ITPK1: variants seen among roughly 807,000 people sequenced by gnomAD.
ITPK1 encodes inositol-tetrakisphosphate 1-kinase, also known as inositol 1,3,4-trisphosphate 5/6-kinase.
Under a neutral mutation model 45.3 loss-of-function variants are expected in ITPK1, and 21 were observed. That is an observed-to-expected ratio of 0.46 (90% CI 0.33 to 0.67). The LOEUF is 0.67. Among genes scored for constraint, ITPK1 ranks in the 30% least tolerant of loss-of-function variants. The pLI, the probability that ITPK1 is intolerant of heterozygous loss-of-function variation, is 0.02. For missense variants in ITPK1, 474 were observed against 573.5 expected (o/e 0.83, Z 1.77); for synonymous variants, 258 against 253.6 (o/e 1.02, Z -0.16).
rs1888803131 is a variant in ITPK1 at position 93,027,588 on chromosome 14, C to T, written c.121-10787G>A. Among the ~76,000 whole-genome samples the T allele has an allele frequency of 2.0e-5, 3 of 152,158 alleles. No individual in the cohort carries two copies. In the South Asian group the frequency reaches 6.2e-4, roughly 31 times the overall value. ...GGCTAGACAACTGGAGAACCACACT[C>T]CAGATGTTCCAACACAGGGACACGT... On this transcript the variant is annotated intron_variant, in intron 3 of 10. Transcript: ENST00000267615.
At chr14:93,098,695 G>A (rs988646106) in intron 2 of ITPK1, among the ~76,000 whole-genome samples, 6 of 152,186 alleles carry the variant, frequency 3.9e-5, no homozygotes, top group South Asian at 2.1e-4. Flanking sequence ...GGGTCTGAGC[G>A]CTGGTCCCAG....
rs751477516 is a variant in ITPK1 at position 92,946,356 on chromosome 14, G to A, written c.876C>T (p.Ala292=). ...CTGGGAAGGCATTGATGTCAATGAC[G>A]GCGTGCTGCCCTGTCTGGTTGTTGA... ...IIINNQTGQH[A]VIDINAFPGY... The change falls in exon 10 of 11, where the codon GCC becomes GCT. Residue 292 remains alanine, a synonymous_variant. Coordinates refer to ENST00000267615, the MANE Select transcript of ITPK1 (RefSeq NM_014216.6). 5.0e-6 allele frequency: 8 copies of A among 1,613,298 alleles called. No homozygotes were observed. The highest frequency in any genetic ancestry group is 2.2e-5 in the East Asian group (1 of 44,890).
In ITPK1 at chr14:93,076,215, C is replaced by G. The variant is rs1231872044; in HGVS notation, c.120+380G>C. The stretch of plus-strand genomic sequence containing the variant: ...CATCCTTCTTTTTCTAGTTAATGAG[C>G]ACCTGAACCAAGTCCACCCAGGGTG... On this transcript the variant is annotated intron_variant, in intron 3 of 10. Transcript: ENST00000267615. This position sits in a 1 kb window ranked among gnomAD's most constrained non-coding sequence, Gnocchi z 4.3. 2.0e-5 allele frequency among the ~76,000 whole-genome samples: 3 copies of G among 151,980 alleles called. No homozygotes were observed. The highest frequency in any genetic ancestry group is 2.9e-5 in the Non-Finnish European group (2 of 67,998).
intron 3 of ITPK1, among the ~76,000 whole-genome samples, chr14:93,046,846 C>G (rs868281869): frequency 6.6e-6 from 1 of 152,332 alleles, no homozygotes; most frequent in East Asian, 1.9e-4. Flanking sequence ...AAGCTCTGCT[C>G]GGTGGAACTC....
At chr14:93,041,558 G>A (rs1889562596) in intron 3 of ITPK1, among the ~76,000 whole-genome samples, 1 of 152,238 alleles carries the variant, frequency 6.6e-6, no homozygotes, top group African/African-American at 2.4e-5. Flanking sequence ...CAGGGAGGCT[G>A]TTCACCCAGA....
intron 5 of ITPK1, among the ~76,000 whole-genome samples, chr14:92,986,763 GAACA>G (rs1158621077): frequency 1.3e-5 from 2 of 152,318 alleles, no homozygotes; most frequent in African/African-American, 4.8e-5. Flanking sequence ...AGCTCTGAGT[GAACA>G]GACAGGAACA....
Position 92,993,937 on chromosome 14 carries a change from G to A in ITPK1, c.307C>T (p.Leu103=), listed in dbSNP as rs751854483. 29 of 1,614,082 alleles carry A rather than the reference G, an allele frequency of 1.8e-5. No individual in the cohort carries two copies. Among genetic ancestry groups the A allele is most frequent in the Admixed American group, 3.3e-5 (2 of 60,026 alleles). The change falls in exon 5 of 11, where the codon CTG becomes TTG. Residue 103 remains leucine, a synonymous_variant. Coordinates refer to ENST00000267615, the MANE Select transcript of ITPK1 (RefSeq NM_014216.6). ...TCATAGGACTTGGAGCGGTCAAGCAGGGTTCTGATGGCAGGGAGCGGGTCC... is the reference window on the plus strand; with the variant it reads ...TCATAGGACTTGGAGCGGTCAAGCAAGGTTCTGATGGCAGGGAGCGGGTCC... The part of the protein sequence containing the change: ...VLDPLPAIRT[L]LDRSKSYELI...
chr14:93,081,359 C>T (rs940563079), intron 2 of ITPK1, among the ~76,000 whole-genome samples: 2 of 151,690 alleles, frequency 1.3e-5, no homozygotes, highest in East Asian at 1.9e-4. Flanking sequence ...CCTGCACCTG[C>T]GAATAATTTT....
intron 2 of ITPK1, among the ~76,000 whole-genome samples, chr14:93,095,916 A>G (rs1892061504): frequency 6.6e-6 from 1 of 152,166 alleles, no homozygotes; most frequent in Non-Finnish European, 1.5e-5. Context: ...GTTGCTGCAA[A>G]GGATGGGGTT....
chr14:93,096,656 C>T (rs934833262), intron 2 of ITPK1, among the ~76,000 whole-genome samples: 5 of 152,230 alleles, frequency 3.3e-5, no homozygotes, highest in African/African-American at 1.2e-4. Context: ...AGCGCAGGAG[C>T]TAGTCCTGGC....
At chr14:93,097,992 A>G (rs1480834148) in intron 2 of ITPK1, among the ~76,000 whole-genome samples, 5 of 152,102 alleles carry the variant, frequency 3.3e-5, no homozygotes, top group Non-Finnish European at 7.4e-5. Context: ...CCTGGGCGAC[A>G]AGAGCAAAAC....
chr14:93,001,036 T>C (rs975898311), intron 4 of ITPK1, among the ~76,000 whole-genome samples: 1 of 150,056 alleles, frequency 6.7e-6, no homozygotes, highest in Non-Finnish European at 1.5e-5. Flanking sequence ...TCCCACCACT[T>C]TGGGAGGCTG....
chr14:92,987,938 G>A (rs766588723), intron 5 of ITPK1, among the ~76,000 whole-genome samples: 18 of 152,206 alleles, frequency 1.2e-4, no homozygotes, highest in South Asian at 2.1e-4. Flanking sequence ...GCCTCATGCC[G>A]GCAACGCACC....
At chr14:92,994,081 C>T (rs1440013080) in intron 4 of ITPK1, 84 bp from the exon 5 acceptor site, 5 of 824,938 alleles carry the variant, frequency 6.1e-6, no homozygotes, top group South Asian at 2.8e-5. Flanking sequence ...CACGTCCATC[C>T]GTTCCTGTCC....
chr14:92,987,518 G>C (rs76999478), intron 5 of ITPK1, among the ~76,000 whole-genome samples: 3,010 of 152,284 alleles, frequency 0.02, 112 homozygotes, highest in African/African-American at 0.068. Flanking sequence ...CAGAGGACAG[G>C]AGCAGAACCC....
At chr14:92,984,056 G>C (rs963541159) in intron 5 of ITPK1, among the ~76,000 whole-genome samples, 3 of 152,166 alleles carry the variant, frequency 2.0e-5, no homozygotes, top group Non-Finnish European at 2.9e-5. Context: ...CATTGCACTA[G>C]AGCCTACTGT....
At chr14:93,038,506 G>C (rs975853320) in intron 3 of ITPK1, among the ~76,000 whole-genome samples, 1 of 152,144 alleles carries the variant, frequency 6.6e-6, no homozygotes, top group African/African-American at 2.4e-5. Flanking sequence ...GGAAAGAAAA[G>C]TGGGATATAT....
Position 92,940,659 on chromosome 14 carries a change from G to C in ITPK1, c.*902C>G. On this transcript the variant is annotated 3_prime_UTR_variant, in exon 11 of 11. Transcript: ENST00000267615. ...ATGGAAAGGCAGGCTGCATCCCAGG[G>C]GTTAGGGCACAAAGCCAGCCCTGTG... 7.9e-7 allele frequency: 1 copy of C among 1,262,956 alleles called. No homozygotes were observed. The allele number at this position is 1,262,956 out of a possible 1,614,324, so 78.2% of individuals were successfully genotyped here.
chr14:93,065,256 C>T (rs1268686130), intron 3 of ITPK1, among the ~76,000 whole-genome samples: 1 of 152,170 alleles, frequency 6.6e-6, no homozygotes, highest in African/African-American at 2.4e-5. Flanking sequence ...GGCTTTTTTA[C>T]TCATGAAAAT....
Sources: gnomAD v4.1 joint callset for allele counts (sites outside exome capture counted in the v4.1 genomes callset) on GRCh38, gnomAD v4.1.1 for gene constraint, Gnocchi (gnomAD v3.1) non-coding constraint, MANE v1.5 for transcripts, NCBI Gene and HGNC (gene_info 2026-07-23, HGNC 2026-07-21) for gene names.